SYT1: variants seen among roughly 807,000 people sequenced by gnomAD.
The protein encoded by SYT1 is synaptotagmin 1.
SYT1 carries 8 observed loss-of-function variants against 44.8 expected under a neutral mutation model. The ratio of observed to expected loss-of-function variants is 0.18; its 90% CI spans 0.10 to 0.32. The LOEUF is 0.32. SYT1 is among the 10% of genes least tolerant of loss of function. The pLI is 1.00. For synonymous variants in SYT1, 154 were observed against 188.8 expected (o/e 0.82, Z 1.51); for missense variants, 286 against 509.3 (o/e 0.56, Z 4.22).
In SYT1 at chr12:79,217,592, A is replaced by C. The variant is rs1874889598; in HGVS notation, c.73A>C (p.Asn25His). ...CACTGTCGCGACTGTTCTGCCAAGCAACGCCACAGAGCCAGCCAGTCCTGG... is the reference window on the plus strand; with the variant it reads ...CACTGTCGCGACTGTTCTGCCAAGCCACGCCACAGAGCCAGCCAGTCCTGG... ...VTTVATVLPS[N>H]ATEPASPGEG... is the part of the protein sequence containing the mutation. The change falls in exon 4 of 11, where the codon AAC becomes CAC. Residue 25 changes from asparagine to histidine, a missense_variant. Physicochemically the swap from Asn to His is moderately conservative, Grantham distance 68. Coordinates refer to ENST00000261205, the MANE Select transcript of SYT1 (RefSeq NM_005639.3). 1 of 1,613,298 alleles carries C rather than the reference A, an allele frequency of 6.2e-7. No individual in the cohort carries two copies. The highest frequency in any genetic ancestry group is 2.2e-5 in the East Asian group (1 of 44,796).
At chr12:79,051,498 A>G (rs992006013) in intron 3 of SYT1, among the ~76,000 whole-genome samples, 2 of 151,408 alleles carry the variant, frequency 1.3e-5, no homozygotes, top group African/African-American at 4.8e-5. Flanking sequence ...GTAAAGAAAA[A>G]TAACATATGC....
chr12:79,329,503 G>A (rs531257676), intron 8 of SYT1, among the ~76,000 whole-genome samples: 2 of 152,202 alleles, frequency 1.3e-5, no homozygotes, highest in African/African-American at 2.4e-5. Flanking sequence ...GAATGCTACT[G>A]TACTTGAATA....
chr12:78,987,878 A>T (rs996219045), intron 2 of SYT1, among the ~76,000 whole-genome samples: 1 of 152,122 alleles, frequency 6.6e-6, no homozygotes, highest in Non-Finnish European at 1.5e-5. Flanking sequence ...AGGTAATACA[A>T]GAAAAGAATA....
At chr12:79,363,691 T>C (rs1449055622) in intron 9 of SYT1, among the ~76,000 whole-genome samples, 3 of 151,752 alleles carry the variant, frequency 2.0e-5, no homozygotes, top group South Asian at 4.2e-4. Context: ...GCTGTGATTG[T>C]GCCACTGCAC....
intron 1 of SYT1, among the ~76,000 whole-genome samples, chr12:78,928,869 C>T (rs577519530): frequency 6.6e-6 from 1 of 152,086 alleles, no homozygotes; most frequent in East Asian, 1.9e-4. Flanking sequence ...CCATGAAAAC[C>T]AAACCTTGAA....
chr12:79,309,333 G>A (rs996386224), intron 8 of SYT1, among the ~76,000 whole-genome samples: 3 of 151,970 alleles, frequency 2.0e-5, no homozygotes, highest in Admixed American at 2.0e-4. Context: ...TCCCAGTAGG[G>A]AATCTTGAAT....
At chr12:79,276,917 A>C (rs977861176) in intron 4 of SYT1, among the ~76,000 whole-genome samples, 4 of 151,636 alleles carry the variant, frequency 2.6e-5, no homozygotes, top group Admixed American at 6.6e-5. Context: ...AAGAAGAAGG[A>C]AAAATGATGA....
At chr12:79,089,856 C>T (rs2137995401) in intron 3 of SYT1, among the ~76,000 whole-genome samples, 1 of 152,208 alleles carries the variant, frequency 6.6e-6, no homozygotes, top group Non-Finnish European at 1.5e-5. Context: ...TTCTCCTCCC[C>T]TGTGCAGGTT....
chr12:78,878,778 G>A (rs1195333738), intron 1 of SYT1, among the ~76,000 whole-genome samples: 1 of 151,654 alleles, frequency 6.6e-6, no homozygotes, highest in Non-Finnish European at 1.5e-5. Flanking sequence ...TTATTCCTTG[G>A]ACATACCACA....
intron 3 of SYT1, among the ~76,000 whole-genome samples, chr12:79,118,965 T>C (rs1342440163): frequency 1.3e-5 from 2 of 152,248 alleles, no homozygotes; most frequent in Non-Finnish European, 2.9e-5. Context: ...CCTAGACATA[T>C]AATCCTTCAC....
intron 3 of SYT1, among the ~76,000 whole-genome samples, chr12:79,131,886 G>A (rs1467737472): frequency 6.6e-6 from 1 of 152,174 alleles, no homozygotes; most frequent in East Asian, 1.9e-4. Context: ...TTCGAGTAAA[G>A]AGAAGACAGA....
chr12:79,049,462 C>CAA (rs35340272), intron 3 of SYT1, among the ~76,000 whole-genome samples: 8 of 151,126 alleles, frequency 5.3e-5, no homozygotes, highest in African/African-American at 1.9e-4. Context: ...AAATTACATG[C>CAA]AAAAAAAGAC....
At position 79,205,371 on chromosome 12, in the gene SYT1, A is replaced by G. The variant is rs192006575; in HGVS notation, c.-17-12132A>G. On this transcript the variant is annotated intron_variant, in intron 3 of 10. Transcript: ENST00000261205. ...TTATGAACCTGCCATTCCTACTAAA[A>G]TCTTGGGAGGCTTTTTAGAGCCAGA... 2.9e-3 allele frequency among the ~76,000 whole-genome samples: 441 copies of G among 152,276 alleles called. 3 individuals are homozygous for G. The highest frequency in any genetic ancestry group is 1.0e-2 in the African/African-American group (415 of 41,558).
chr12:79,249,400 G>A (rs1241749736), intron 4 of SYT1, among the ~76,000 whole-genome samples: 1 of 152,030 alleles, frequency 6.6e-6, no homozygotes, highest in Non-Finnish European at 1.5e-5. Flanking sequence ...CACCGCGCCC[G>A]GCCCTCTTTA....
chr12:79,348,323 G>A (rs946923322), intron 8 of SYT1, among the ~76,000 whole-genome samples: 2 of 152,162 alleles, frequency 1.3e-5, no homozygotes, highest in Non-Finnish European at 2.9e-5. Flanking sequence ...ACTTAAGGTT[G>A]CCACTGGTCA....
rs1555199609 is a variant in SYT1, at chr12:79,117,712, T to TATAA, written c.-18+70352_-18+70355dup. ...ATATATATATATATATATATATATA[T>TATAA]ATAAAATAAATAGGTTGCATACAGA... is the stretch of plus-strand genomic sequence containing the variant. On this transcript the variant is annotated intron_variant, in intron 3 of 10. Coordinates refer to ENST00000261205, the MANE Select transcript of SYT1 (RefSeq NM_005639.3). Among the ~76,000 whole-genome samples, 212 of 85,258 alleles carry TATAA rather than the reference T, an allele frequency of 2.5e-3. 2 individuals are homozygous for TATAA. Among genetic ancestry groups the TATAA allele is most frequent in the Non-Finnish European group, 3.9e-3 (169 of 43,240 alleles). The allele number at this position is 85,258 out of a possible 152,430, so 55.9% of individuals were successfully genotyped here.
At chr12:78,962,332 C>CTTTT (rs35875550) in intron 1 of SYT1, among the ~76,000 whole-genome samples, 40 of 130,070 alleles carry the variant, frequency 3.1e-4, no homozygotes, top group East Asian at 6.9e-4. Flanking sequence ...AGCATTCTTT[C>CTTTT]TTTTTTTTTT....
intron 1 of SYT1, among the ~76,000 whole-genome samples, chr12:78,940,188 T>C: frequency 1.3e-5 from 2 of 152,120 alleles, no homozygotes; most frequent in South Asian, 4.2e-4. Flanking sequence ...TTTTTTTTTC[T>C]AAATCTGGTT....
chr12:79,182,449 A>G (rs995749037), intron 3 of SYT1, among the ~76,000 whole-genome samples: 19 of 152,082 alleles, frequency 1.2e-4, no homozygotes, highest in Non-Finnish European at 2.2e-4. Context: ...AATTGACCAG[A>G]TGAACAACAA....
Sources: gnomAD v4.1 joint callset for allele counts (sites outside exome capture counted in the v4.1 genomes callset) on GRCh38, gnomAD v4.1.1 for gene constraint, MANE v1.5 for transcripts, NCBI Gene and HGNC (gene_info 2026-07-23, HGNC 2026-07-21) for gene names.